Variants in ADAM18 observed in about 807,000 individuals in gnomAD.
The protein encoded by ADAM18 is disintegrin and metalloproteinase domain-containing protein 18.
ADAM18 carries 117 observed loss-of-function variants against 94.4 expected under a neutral mutation model. The ratio of observed to expected loss-of-function variants is 1.24; its 90% CI spans 1.07 to 1.45. The LOEUF (loss-of-function observed/expected upper bound fraction) is 1.45, where lower values mean the gene tolerates loss of function less well. Ranked by LOEUF, ADAM18 falls within the 40% of genes most tolerant of loss-of-function variation. The probability of loss-of-function intolerance (pLI) is 0.00; values close to 1 mark genes in which losing one functional copy is unlikely to be tolerated. For synonymous variants in ADAM18, 327 were observed against 291.6 expected (o/e 1.12, Z -1.24); for missense variants, 936 against 880.0 (o/e 1.06, Z -0.81).
intron 16 of ADAM18, among the ~76,000 whole-genome samples, chr8:39,681,105 T>C (rs907339158): frequency 1.3e-5 from 2 of 152,178 alleles, no homozygotes; most frequent in African/African-American, 4.8e-5. Context: ...GGCAAAAGTT[T>C]TGGAATGTCA....
intron 6 of ADAM18, among the ~76,000 whole-genome samples, chr8:39,614,406 T>C (rs1166042676): frequency 6.6e-6 from 1 of 152,148 alleles, no homozygotes; most frequent in Non-Finnish European, 1.5e-5. Flanking sequence ...AAAATCCTTT[T>C]CAGACAAGCA....
At chr8:39,693,218 C>T (rs1210263191) in intron 17 of ADAM18, among the ~76,000 whole-genome samples, 1 of 151,062 alleles carries the variant, frequency 6.6e-6, no homozygotes. Context: ...AATTATTTTC[C>T]TAAAAGAAAA....
At chr8:39,665,583 T>C (rs1820974534) in intron 13 of ADAM18, among the ~76,000 whole-genome samples, 1 of 152,216 alleles carries the variant, frequency 6.6e-6, no homozygotes, top group African/African-American at 2.4e-5. Flanking sequence ...TTACGGTTGC[T>C]TTGTAAATTG....
At chr8:39,595,634 G>A (rs1010842124) in intron 2 of ADAM18, among the ~76,000 whole-genome samples, 21 of 152,152 alleles carry the variant, frequency 1.4e-4, no homozygotes, top group African/African-American at 4.8e-4. Context: ...AGATTCTCCT[G>A]CCTCAGCCTC....
At chr8:39,631,831 T>C (rs1373368919) in intron 7 of ADAM18, among the ~76,000 whole-genome samples, 1 of 152,020 alleles carries the variant, frequency 6.6e-6, no homozygotes, top group Admixed American at 6.6e-5. Flanking sequence ...CGTCTTTACA[T>C]TTTTTGTTAA....
chr8:39,701,604 T>G (rs1016447840), intron 17 of ADAM18, among the ~76,000 whole-genome samples: 1 of 152,108 alleles, frequency 6.6e-6, no homozygotes, highest in East Asian at 1.9e-4. Flanking sequence ...AAGCCTAGTA[T>G]CCATTAGTTA....
intron 2 of ADAM18, among the ~76,000 whole-genome samples, chr8:39,596,920 T>G (rs1295953483): frequency 2.0e-5 from 3 of 152,176 alleles, no homozygotes; most frequent in East Asian, 1.9e-4. Flanking sequence ...TAATAATGTA[T>G]AAGGATTAAT....
chr8:39,708,636 G>A (rs1822307462), intron 18 of ADAM18, among the ~76,000 whole-genome samples: 1 of 152,198 alleles, frequency 6.6e-6, no homozygotes, highest in Non-Finnish European at 1.5e-5. Context: ...CCTGTGACAG[G>A]GGTGCCTCAT....
intron 7 of ADAM18, among the ~76,000 whole-genome samples, chr8:39,630,257 C>CA (rs1819896299): frequency 6.6e-6 from 1 of 151,378 alleles, no homozygotes; most frequent in Non-Finnish European, 1.5e-5. Context: ...TTACTAAATG[C>CA]AAAACACAGA....
intron 17 of ADAM18, among the ~76,000 whole-genome samples, chr8:39,699,260 A>G (rs930985353): frequency 1.2e-4 from 18 of 152,230 alleles, no homozygotes; most frequent in African/African-American, 4.1e-4. Context: ...GAATTATTCT[A>G]AAGTTTAATA....
chr8:39,680,308 A>G (rs952630506), intron 16 of ADAM18, 82 bp downstream of exon 16: 5 of 1,234,204 alleles, frequency 4.1e-6, no homozygotes, highest in Middle Eastern at 2.0e-4. Context: ...GACTATCACA[A>G]TTATATTGAA....
chr8:39,620,211 C>CA (rs1819567135), intron 6 of ADAM18, among the ~76,000 whole-genome samples: 1 of 151,542 alleles, frequency 6.6e-6, no homozygotes, highest in African/African-American at 2.4e-5. Context: ...TGAACTTATA[C>CA]AAAAAGATCA....
At chr8:39,658,568 C>T (rs901141786) in intron 12 of ADAM18, among the ~76,000 whole-genome samples, 80 of 152,106 alleles carry the variant, frequency 5.3e-4, no homozygotes, top group African/African-American at 1.9e-3. Flanking sequence ...GAACGCAAGC[C>T]CACCAACACC....
At chr8:39,660,873 G>C (rs1168698559) in intron 12 of ADAM18, among the ~76,000 whole-genome samples, 1 of 152,084 alleles carries the variant, frequency 6.6e-6, no homozygotes, top group Non-Finnish European at 1.5e-5. Context: ...CAGAGTTAAC[G>C]TACCAGCCCT....
intron 12 of ADAM18, among the ~76,000 whole-genome samples, 191 bp from the exon 13 acceptor site, chr8:39,663,598 CAAAAAA>C (rs10597769): frequency 5.1e-5 from 1 of 19,586 alleles, no homozygotes; most frequent in African/African-American, 2.5e-4. Flanking sequence ...AATCCTGTCT[CAAAAAA>C]AAAAAAAAAA....
intron 2 of ADAM18, among the ~76,000 whole-genome samples, chr8:39,591,316 T>A (rs1453810099): frequency 1.3e-5 from 2 of 152,222 alleles, no homozygotes; most frequent in Non-Finnish European, 2.9e-5. Flanking sequence ...TATGCAATGC[T>A]GTTTGATAGC....
chr8:39,608,072 A>C (rs954828201), intron 3 of ADAM18, among the ~76,000 whole-genome samples: 8 of 152,104 alleles, frequency 5.3e-5, no homozygotes, highest in Admixed American at 5.2e-4. Flanking sequence ...TGGCAAATAT[A>C]TAAGTTTTTC....
chr8:39,724,226 C>A (rs1411325139), intron 19 of ADAM18, among the ~76,000 whole-genome samples: 1 of 151,664 alleles, frequency 6.6e-6, no homozygotes, highest in East Asian at 1.9e-4. Flanking sequence ...GTTGGTTTTA[C>A]TTACCATTTT....
chr8:39,613,149 C>G (rs1819328123), intron 6 of ADAM18, among the ~76,000 whole-genome samples: 1 of 152,190 alleles, frequency 6.6e-6, no homozygotes, highest in South Asian at 2.1e-4. Context: ...ACACCACTGT[C>G]CAGCCACTGC....
Sources: gnomAD v4.1 joint callset for allele counts (sites outside exome capture counted in the v4.1 genomes callset) on GRCh38, gnomAD v4.1.1 for gene constraint, MANE v1.5 for transcripts, NCBI Gene and HGNC (gene_info 2026-07-23, HGNC 2026-07-21) for gene names.